MYO5B: variants seen among roughly 807,000 people sequenced by gnomAD.
MYO5B encodes myosin VB, also known as unconventional myosin-Vb.
Under a neutral mutation model 229.3 loss-of-function variants are expected in MYO5B, and 143 were observed. That is an observed-to-expected ratio of 0.62 (90% CI 0.54 to 0.72). The LOEUF is 0.72. MYO5B is among the 30% of genes least tolerant of loss of function. MYO5B has a pLI of 0.00. For synonymous variants in MYO5B, 918 were observed against 885.2 expected, an observed-to-expected ratio of 1.04 and a Z score of -0.66; for missense variants, 2,321 against 2,331.0, an observed-to-expected ratio of 1.00 and a Z score of 0.09.
rs1464834491 is a variant in MYO5B, at chr18:49,880,484, C to T, written c.3046-29G>A. 7 of 1,565,438 alleles carry T rather than the reference C, an allele frequency of 4.5e-6. No homozygotes were observed. The East Asian group carries it at 1.6e-4, about 35-fold the overall frequency. On this transcript the variant is annotated intron_variant, in intron 22 of 39. Coordinates refer to ENST00000285039, the MANE Select transcript of MYO5B (RefSeq NM_001080467.3). The stretch of plus-strand genomic sequence containing the variant: ...GAAGAGAGCAATAGGGGAAAAATGT[C>T]TCATGATGCTGGGAAGAGGAGAGGC...
chr18:49,843,128 T>G, intron 34 of MYO5B, 113 bp downstream of exon 34: 2 of 1,368,316 alleles, frequency 1.5e-6, no homozygotes, highest in Non-Finnish European at 2.1e-6. Context: ...ACCTTCAAAG[T>G]TGGAGCCCTA....
At chr18:49,879,961 C>T (rs1450169057) in intron 23 of MYO5B, among the ~76,000 whole-genome samples, 1 of 152,230 alleles carries the variant, frequency 6.6e-6, no homozygotes, top group African/African-American at 2.4e-5. Context: ...CCTGAGCGCT[C>T]GCTGAGTGTC....
At chr18:49,915,832 C>T (rs909414650) in intron 17 of MYO5B, among the ~76,000 whole-genome samples, 3 of 152,192 alleles carry the variant, frequency 2.0e-5, no homozygotes, top group Non-Finnish European at 4.4e-5. Flanking sequence ...TTAACACACG[C>T]CAGCATGGCT....
chr18:50,003,980 A>C (rs946556391), intron 4 of MYO5B, among the ~76,000 whole-genome samples: 11 of 152,152 alleles, frequency 7.2e-5, no homozygotes, highest in Admixed American at 2.0e-4. Context: ...CTGGACTACA[A>C]GGAGACCCAG....
chr18:50,088,520 G>A (rs2031379587), intron 1 of MYO5B, among the ~76,000 whole-genome samples: 1 of 152,110 alleles, frequency 6.6e-6, no homozygotes, highest in Non-Finnish European at 1.5e-5. Context: ...TTTAACTCCA[G>A]GTTTGTTAGG....
At chr18:50,001,195 G>A in intron 5 of MYO5B, 60 bp downstream of exon 5, 1 of 1,608,230 alleles carries the variant, frequency 6.2e-7, no homozygotes, top group Non-Finnish European at 8.5e-7. Flanking sequence ...ACGCCCAGCA[G>A]TCTTGCTGCC....
rs548925743 is a variant in MYO5B, at chr18:50,137,275, T to C, written c.27+57492A>G. On this transcript the variant is annotated intron_variant, in intron 1 of 39. Transcript: ENST00000285039. ...AGGGAAAATCTATACTCCACTTACA[T>C]TTTGAACAAACGTTATTTCAGGGCC... Among the ~76,000 whole-genome samples the C allele has an allele frequency of 6.6e-5, 10 of 152,378 alleles. No homozygotes were observed. The East Asian group carries it at 1.9e-3, about 29-fold the overall frequency.
intron 1 of MYO5B, among the ~76,000 whole-genome samples, chr18:50,098,157 T>C (rs1235896478): frequency 6.6e-6 from 1 of 152,244 alleles, no homozygotes; most frequent in Non-Finnish European, 1.5e-5. Flanking sequence ...AACTTGCTTA[T>C]ATCCAACATC....
At chr18:49,868,059 GAC>G (rs1342699826) in intron 27 of MYO5B, among the ~76,000 whole-genome samples, 1 of 151,680 alleles carries the variant, frequency 6.6e-6, no homozygotes, top group African/African-American at 2.4e-5. Context: ...TGTTTACAAA[GAC>G]ATGTAGAAAA....
chr18:50,135,365 T>C (rs1043832606), intron 1 of MYO5B, among the ~76,000 whole-genome samples: 3 of 152,164 alleles, frequency 2.0e-5, no homozygotes, highest in Admixed American at 2.0e-4. Context: ...TGAAAAGATA[T>C]CAATTATGTA....
intron 33 of MYO5B, among the ~76,000 whole-genome samples, chr18:49,844,932 C>G (rs1188825587): frequency 2.6e-5 from 4 of 152,198 alleles, no homozygotes; most frequent in Non-Finnish European, 5.9e-5. Flanking sequence ...TGCCAGGTAC[C>G]TAAGAGGTAG....
chr18:49,906,108 A>G (rs985099367), intron 19 of MYO5B, among the ~76,000 whole-genome samples: 1 of 152,156 alleles, frequency 6.6e-6, no homozygotes, highest in African/African-American at 2.4e-5. Flanking sequence ...AAAAGGAGTT[A>G]GTTTTTTACT....
intron 1 of MYO5B, among the ~76,000 whole-genome samples, chr18:50,155,080 AAAC>A (rs1007326216): frequency 1.1e-4 from 17 of 152,370 alleles, no homozygotes; most frequent in African/African-American, 3.6e-4. Context: ...AGCTGTTAAA[AAAC>A]AACAACTTGT....
intron 1 of MYO5B, among the ~76,000 whole-genome samples, chr18:50,194,352 C>T (rs2033269708): frequency 2.6e-5 from 4 of 152,152 alleles, no homozygotes; most frequent in African/African-American, 9.6e-5. Context: ...GTGGGGTCCA[C>T]GGCGGGGACA....
chr18:49,974,246 G>C, intron 10 of MYO5B, 104 bp downstream of exon 10: 1 of 1,546,480 alleles, frequency 6.5e-7, no homozygotes. Context: ...ACTGCCCTAA[G>C]TTGAGAACCA....
At chr18:49,864,525 CAGCA>C in intron 27 of MYO5B, 145 bp from the exon 28 acceptor site, 1 of 1,188,360 alleles carries the variant, frequency 8.4e-7, no homozygotes, top group Non-Finnish European at 1.2e-6. Flanking sequence ...TGACTGCCAT[CAGCA>C]AGCAGTCAAA....
Position 49,892,177 on chromosome 18 carries a change from A to C in MYO5B, c.3045+2764T>G, listed in dbSNP as rs550094545. 1.7e-4 allele frequency among the ~76,000 whole-genome samples: 26 copies of C among 152,382 alleles called. No homozygotes were observed. In the South Asian group the frequency reaches 5.4e-3, roughly 32 times the overall value. ...GCATAGGGATCGCTGAAGCTTTCAA[A>C]AAGAACGAAATGTACACAATGCACA... On this transcript the variant is annotated intron_variant, in intron 22 of 39. Transcript: ENST00000285039.
intron 1 of MYO5B, among the ~76,000 whole-genome samples, chr18:50,127,061 A>C (rs2032175907): frequency 6.6e-6 from 1 of 152,228 alleles, no homozygotes; most frequent in African/African-American, 2.4e-5. Context: ...CATAAGACCC[A>C]AGAGGCAGGT....
At chr18:50,035,783 G>A (rs1356428094) in intron 4 of MYO5B, among the ~76,000 whole-genome samples, 1 of 152,170 alleles carries the variant, frequency 6.6e-6, no homozygotes, top group East Asian at 1.9e-4. Context: ...AATAGTTACA[G>A]ATCATTCTGT....
Sources: allele counts gnomAD v4.1 joint callset (sites outside exome capture counted in the v4.1 genomes callset), GRCh38; gene constraint gnomAD v4.1.1; transcripts MANE v1.5; gene names NCBI Gene and HGNC (gene_info 2026-07-23, HGNC 2026-07-21).